DLGAP1: variants seen among roughly 807,000 people sequenced by gnomAD.
DLGAP1 encodes DLG associated protein 1.
In DLGAP1, 11 loss-of-function variants were observed where a neutral mutation model predicts 90.8. The observed-to-expected ratio is 0.12, with a 90% confidence interval of 0.08 to 0.20. The LOEUF is 0.20. Ranked by LOEUF, DLGAP1 falls within the 10% of genes least tolerant of loss-of-function variation. The probability of loss-of-function intolerance (pLI) is 1.00; values close to 1 mark genes in which losing one functional copy is unlikely to be tolerated. For synonymous variants in DLGAP1, 558 were observed against 540.7 expected, an observed-to-expected ratio of 1.03 and a Z score of -0.44; for missense variants, 1,050 against 1,333.8, an observed-to-expected ratio of 0.79 and a Z score of 3.31.
intron 1 of DLGAP1, among the ~76,000 whole-genome samples, chr18:4,408,976 CACAA>C (rs1214054454): frequency 2.0e-3 from 9 of 4,482 alleles, no homozygotes; most frequent in South Asian, 0.018. Context: ...CACACACACA[CACAA>C]ACACACACAC....
intron 7 of DLGAP1, among the ~76,000 whole-genome samples, chr18:3,725,377 T>C (rs951782877): frequency 2.0e-5 from 3 of 152,144 alleles, no homozygotes; most frequent in Admixed American, 6.6e-5. Context: ...TAGAATTGCA[T>C]TGGTATATTC....
Position 3,879,726 on chromosome 18 carries a change from G to A in DLGAP1, c.343C>T (p.Arg115Cys), listed in dbSNP as rs1420906276. Reference protein sequence around the residue: ...DQFERQLPLSRDGYHTLQYKR... With the variant: ...DQFERQLPLSCDGYHTLQYKR... ...TACTGCAGGGTGTGATAGCCATCGCGGCTGAGTGGCAGCTGCCGCTCGAAC... is the reference window on the plus strand; with the variant it reads ...TACTGCAGGGTGTGATAGCCATCGCAGCTGAGTGGCAGCTGCCGCTCGAAC... The change falls in exon 4 of 13, where the codon CGC becomes TGC. Residue 115 changes from arginine (R) to cysteine (C), a missense_variant. Arg to Cys is a radical substitution (Grantham distance 180). Around this residue, in one of 2 missense-constraint regions of DLGAP1, gnomAD observed 485 missense variants for 454.1 expected, o/e 1.07. Transcript: ENST00000315677. The surrounding 1 kb of genome is among the most constrained non-coding windows in gnomAD (Gnocchi z 6.6). The A allele has an allele frequency of 3.1e-6, 5 of 1,608,804 alleles. No homozygotes were observed. Among genetic ancestry groups the A allele is most frequent in the Non-Finnish European group, 4.2e-6 (5 of 1,179,874 alleles).
intron 2 of DLGAP1, among the ~76,000 whole-genome samples, chr18:4,023,517 G>A (rs1233662257): frequency 6.6e-6 from 1 of 152,116 alleles, no homozygotes; most frequent in African/African-American, 2.4e-5. Flanking sequence ...TGCATTCAAT[G>A]TTATTATTAA....
chr18:3,699,665 G>C (rs1268644963), intron 7 of DLGAP1, among the ~76,000 whole-genome samples: 1 of 152,194 alleles, frequency 6.6e-6, no homozygotes, highest in Non-Finnish European at 1.5e-5. Context: ...CTTGAGCACT[G>C]TGCTGGGAGA....
intron 3 of DLGAP1, among the ~76,000 whole-genome samples, chr18:3,940,187 C>T (rs986218101): frequency 1.3e-5 from 2 of 152,212 alleles, no homozygotes; most frequent in Non-Finnish European, 2.9e-5. Flanking sequence ...CTAAGGCCTC[C>T]TGCAAACAGC....
At chr18:4,307,489 C>T (rs894568122) in intron 1 of DLGAP1, among the ~76,000 whole-genome samples, 2 of 152,100 alleles carry the variant, frequency 1.3e-5, no homozygotes, top group Admixed American at 6.6e-5. Context: ...GTGCTAAATG[C>T]CACACAATAT....
chr18:3,669,747 C>G (rs1288657080), intron 7 of DLGAP1, among the ~76,000 whole-genome samples: 1 of 152,206 alleles, frequency 6.6e-6, no homozygotes, highest in Non-Finnish European at 1.5e-5. Flanking sequence ...CACTCATTAT[C>G]CAAGCCCCCA....
At chr18:4,439,213 T>C (rs1428182466) in intron 1 of DLGAP1, among the ~76,000 whole-genome samples, 1 of 152,216 alleles carries the variant, frequency 6.6e-6, no homozygotes, top group Non-Finnish European at 1.5e-5. Context: ...ATGAGTTCCC[T>C]GTCATGGGGA....
intron 2 of DLGAP1, among the ~76,000 whole-genome samples, chr18:4,019,628 T>G (rs977026660): frequency 3.2e-5 from 3 of 93,638 alleles, no homozygotes; most frequent in East Asian, 2.5e-4. Flanking sequence ...GATAGTCAGG[T>G]TGTTTGGGGG....
intron 11 of DLGAP1, 67 bp from the exon 12 acceptor site, chr18:3,502,712 G>A: frequency 1.3e-6 from 2 of 1,530,708 alleles, no homozygotes; most frequent in Non-Finnish European, 1.8e-6. Flanking sequence ...GGCCAAAAAG[G>A]CATTTTCAAA....
At chr18:3,694,473 T>C (rs922461905) in intron 7 of DLGAP1, among the ~76,000 whole-genome samples, 2 of 152,206 alleles carry the variant, frequency 1.3e-5, no homozygotes, top group African/African-American at 4.8e-5. Context: ...TCTTCCACAA[T>C]GGTTGAACTA....
intron 1 of DLGAP1, among the ~76,000 whole-genome samples, chr18:4,209,628 G>C (rs1324326824): frequency 2.6e-5 from 4 of 152,098 alleles, no homozygotes; most frequent in Non-Finnish European, 2.9e-5. Context: ...AAATCCTTTT[G>C]AGGGGAACAA....
At chr18:3,738,193 T>G (rs1271373174) in intron 6 of DLGAP1, among the ~76,000 whole-genome samples, 1 of 149,256 alleles carries the variant, frequency 6.7e-6, no homozygotes, top group Admixed American at 6.6e-5. Flanking sequence ...AAAATGGCCA[T>G]ACTGCCCAAG....
chr18:4,191,026 G>T (rs1368126248), intron 1 of DLGAP1, among the ~76,000 whole-genome samples: 13 of 152,092 alleles, frequency 8.5e-5, no homozygotes, highest in Admixed American at 8.5e-4. Flanking sequence ...GAAAGAGAAA[G>T]TATCTAGAAA....
intron 2 of DLGAP1, among the ~76,000 whole-genome samples, chr18:4,145,139 T>C (rs1035966638): frequency 3.3e-5 from 5 of 152,180 alleles, no homozygotes; most frequent in African/African-American, 4.8e-5. Context: ...AATATGTCTA[T>C]ATATTTAAAT....
intron 1 of DLGAP1, among the ~76,000 whole-genome samples, chr18:4,450,770 C>A (rs2083805565): frequency 6.6e-6 from 1 of 152,128 alleles, no homozygotes; most frequent in Non-Finnish European, 1.5e-5. Flanking sequence ...GATGAGCAAA[C>A]CATGATAAGT....
At chr18:4,206,269 C>G (rs1488632589) in intron 1 of DLGAP1, among the ~76,000 whole-genome samples, 3 of 152,148 alleles carry the variant, frequency 2.0e-5, no homozygotes, top group Non-Finnish European at 4.4e-5. Context: ...CTGCCCCAAA[C>G]AAGCATTGTG....
intron 2 of DLGAP1, among the ~76,000 whole-genome samples, chr18:4,109,509 G>A (rs544266555): frequency 6.6e-6 from 1 of 152,180 alleles, no homozygotes; most frequent in Non-Finnish European, 1.5e-5. Context: ...GTGTCCATTG[G>A]CTTTGGAGCT....
intron 1 of DLGAP1, among the ~76,000 whole-genome samples, chr18:4,333,679 G>A (rs1390873893): frequency 2.0e-5 from 3 of 149,292 alleles, no homozygotes; most frequent in Non-Finnish European, 4.4e-5. Context: ...GAGTGCAGTG[G>A]TGTGATCTCG....
Sources: allele counts gnomAD v4.1 joint callset (sites outside exome capture counted in the v4.1 genomes callset), GRCh38; gene constraint gnomAD v4.1.1; regional missense constraint gnomAD v4.1.1; non-coding constraint Gnocchi (gnomAD v3.1); transcripts MANE v1.5; gene names NCBI Gene and HGNC (gene_info 2026-07-23, HGNC 2026-07-21).